Variants in TCEA3 observed in about 807,000 individuals in gnomAD.
The protein encoded by TCEA3 is transcription elongation factor A3.
In TCEA3, 36 loss-of-function variants were observed where a neutral mutation model predicts 44.0. The observed-to-expected ratio is 0.82, with a 90% CI of 0.63 to 1.08. The LOEUF (loss-of-function observed/expected upper bound fraction) is 1.08. Ranked by LOEUF, TCEA3 falls within the 50% of genes least tolerant of loss-of-function variation. The pLI is 0.00. For synonymous variants in TCEA3, 162 were observed against 159.7 expected (o/e 1.01, Z -0.11); for missense variants, 392 against 441.2 (o/e 0.89, Z 1.00).
chr1:23,385,615 G>T (rs1294889016), intron 9 of TCEA3, among the ~76,000 whole-genome samples: 4 of 152,172 alleles, frequency 2.6e-5, no homozygotes, highest in Non-Finnish European at 5.9e-5. Context: ...GGTGTGTGCC[G>T]AACAGACGGA....
intron 8 of TCEA3, among the ~76,000 whole-genome samples, chr1:23,392,520 C>CAAA (rs1206321474): frequency 3.3e-4 from 8 of 24,376 alleles, no homozygotes; most frequent in African/African-American, 9.9e-4. Flanking sequence ...ACATCATACA[C>CAAA]ACATATTCCA....
intron 4 of TCEA3, among the ~76,000 whole-genome samples, chr1:23,415,729 A>T (rs1399518737): frequency 6.6e-6 from 1 of 152,222 alleles, no homozygotes; most frequent in Non-Finnish European, 1.5e-5. Flanking sequence ...GGAAAAGAAA[A>T]CACACTCGTG....
Position 23,397,851 on chromosome 1 carries a change from G to C in TCEA3, c.548C>G (p.Thr183Arg), listed in dbSNP as rs1248381628. 6 of 1,613,866 alleles carry C rather than the reference G, an allele frequency of 3.7e-6. No homozygotes were observed. The highest frequency in any genetic ancestry group is 1.3e-5 in the African/African-American group (1 of 74,916). Residue 183 changes from threonine (T) to arginine (R), a missense_variant, in exon 6 of 11, where the codon ACA (threonine) becomes AGA (arginine). Transcript: ENST00000450454. Reference protein sequence around the residue: ...SMCLLAPCYLTGDSVRDKCVE... With the variant: ...SMCLLAPCYLRGDSVRDKCVE... Reference sequence around the variant, plus strand: ...ACACTTGTCCCGGACAGAGTCCCCTGTGAGATAGCAGGGGGCCAGGAGACA... The same window carrying C: ...ACACTTGTCCCGGACAGAGTCCCCTCTGAGATAGCAGGGGGCCAGGAGACA...
At chr1:23,405,362 C>T (rs1054316018) in intron 5 of TCEA3, among the ~76,000 whole-genome samples, 2 of 151,946 alleles carry the variant, frequency 1.3e-5, no homozygotes, top group African/African-American at 2.4e-5. Flanking sequence ...TTTGGGGGGC[C>T]GAAGAGGGTG....
chr1:23,394,065 T>C, intron 7 of TCEA3, 32 bp from the exon 8 acceptor site: 2 of 1,612,990 alleles, frequency 1.2e-6, no homozygotes, highest in Non-Finnish European at 8.5e-7. Flanking sequence ...CAGCCATTCA[T>C]GGAGGGGCAC....
intron 4 of TCEA3, among the ~76,000 whole-genome samples, chr1:23,412,600 C>T (rs1348348495): frequency 2.0e-5 from 3 of 151,684 alleles, no homozygotes; most frequent in Non-Finnish European, 2.9e-5. Flanking sequence ...CCCAGCTACT[C>T]GGGAGGCTGA....
At chr1:23,386,891 T>G (rs758205077) in intron 9 of TCEA3, among the ~76,000 whole-genome samples, 15 of 152,208 alleles carry the variant, frequency 9.9e-5, no homozygotes, top group Non-Finnish European at 2.1e-4. Context: ...CTGCTAATTT[T>G]TTGAATTTTT....
intron 5 of TCEA3, chr1:23,404,237 G>C (rs936100004): frequency 1.1e-5 from 8 of 699,864 alleles, no homozygotes; most frequent in Non-Finnish European, 1.8e-5. Context: ...TGTCAACATG[G>C]TATCCTCCGT....
chr1:23,389,024 C>G (rs1570230248), intron 8 of TCEA3, among the ~76,000 whole-genome samples: 1 of 152,048 alleles, frequency 6.6e-6, no homozygotes, highest in Non-Finnish European at 1.5e-5. Context: ...TATTCTGGTA[C>G]GTATTAATGT....
Position 23,419,080 on chromosome 1 carries a change from T to C in TCEA3, c.129A>G (p.Leu43=), listed in dbSNP as rs1454573423. 4.3e-6 allele frequency: 3 copies of C among 698,738 alleles called. No individual in the cohort carries two copies. The highest frequency in any genetic ancestry group is 2.3e-6 in the Non-Finnish European group (1 of 444,272). 43.3% of individuals were successfully genotyped at this position (698,738 alleles called of 1,614,324 possible). ...LHSCQMSIQL[L]QTTRIGVAVN... ...AGGCTTCCCACCCCCGCCCCACCTG[T>C]AGTAGCTGGATGGACATCTGGCAGC... Residue 43 remains leucine, a synonymous_variant, in exon 2 of 11, where the codon CTA becomes CTG. Transcript: ENST00000450454.
In TCEA3 at chr1:23,394,039, A is replaced by G; in HGVS notation, c.665-6T>C. Reference sequence around the variant, plus strand: ...CTTGAGCTCTTGGTAGATATGTGACACAGTCAAGGGCCGGCCAGCCATTCA... The same window carrying G: ...CTTGAGCTCTTGGTAGATATGTGACGCAGTCAAGGGCCGGCCAGCCATTCA... On this transcript the variant is annotated splice_polypyrimidine_tract_variant and splice_region_variant and intron_variant, in intron 7 of 10. Coordinates refer to ENST00000450454, the MANE Select transcript of TCEA3 (RefSeq NM_003196.3). 3 of 1,613,922 alleles carry G rather than the reference A, an allele frequency of 1.9e-6. No homozygotes were observed. Among genetic ancestry groups the G allele is most frequent in the Middle Eastern group, 1.6e-4 (1 of 6,062 alleles).
intron 4 of TCEA3, chr1:23,411,005 C>T (rs1179497480): frequency 4.9e-6 from 1 of 205,006 alleles, no homozygotes; most frequent in Admixed American, 4.4e-5. Context: ...AATATTTTCT[C>T]TAGCAACAAA....
rs1275596526 is a variant in TCEA3, at chr1:23,381,290, A to T, written c.*176T>A. ...TCCAATTAGGCTCCCCCATTAACCA[A>T]TTGTTTCTAATGACCGATTATTAAT... On this transcript the variant is annotated 3_prime_UTR_variant, in exon 11 of 11. Transcript: ENST00000450454. 1 of 624,928 alleles carries T rather than the reference A, an allele frequency of 1.6e-6. No individual in the cohort carries two copies. The highest frequency in any genetic ancestry group is 1.8e-5 in the African/African-American group (1 of 54,310). 38.7% of individuals were successfully genotyped at this position (624,928 alleles called of 1,614,324 possible).
At chr1:23,422,739 C>G (rs1640101304) in intron 1 of TCEA3, among the ~76,000 whole-genome samples, 1 of 152,164 alleles carries the variant, frequency 6.6e-6, no homozygotes, top group Admixed American at 6.5e-5. Context: ...CTGGGCACTT[C>G]CACAGGAATC....
chr1:23,392,410 A>ACAAAACACAC (rs1558030210), intron 8 of TCEA3, among the ~76,000 whole-genome samples: 24 of 4,900 alleles, frequency 4.9e-3, no homozygotes, highest in South Asian at 0.02. Flanking sequence ...ACACATCATC[A>ACAAAACACAC]TGCACAATAC....
Position 23,397,851 on chromosome 1 carries a change from G to T in TCEA3, c.548C>A (p.Thr183Lys). Residue 183 changes from threonine (T) to lysine (K), a missense_variant, in exon 6 of 11, where the codon ACA (threonine) becomes AAA (lysine). Thr to Lys is a moderately conservative substitution (Grantham distance 78). Transcript: ENST00000450454. Reference protein sequence around the residue: ...SMCLLAPCYLTGDSVRDKCVE... With the variant: ...SMCLLAPCYLKGDSVRDKCVE... ...ACACTTGTCCCGGACAGAGTCCCCTGTGAGATAGCAGGGGGCCAGGAGACA... is the reference window on the plus strand; with the variant it reads ...ACACTTGTCCCGGACAGAGTCCCCTTTGAGATAGCAGGGGGCCAGGAGACA... 1 of 1,613,984 alleles carries T rather than the reference G, an allele frequency of 6.2e-7. No individual in the cohort carries two copies. The highest frequency in any genetic ancestry group is 1.3e-5 in the African/African-American group (1 of 75,038).
At chr1:23,419,462 C>T in intron 1 of TCEA3, 2 of 250,750 alleles carry the variant, frequency 8.0e-6, no homozygotes, top group Non-Finnish European at 1.5e-5. Context: ...CTTATTGTTG[C>T]TCGTGTGCCT....
intron 8 of TCEA3, among the ~76,000 whole-genome samples, chr1:23,392,841 C>T (rs183525445): frequency 9.2e-5 from 14 of 152,238 alleles, no homozygotes; most frequent in South Asian, 6.2e-4. Context: ...ACATTTTTGG[C>T]GCCAGGGACT....
Position 23,397,853 on chromosome 1 carries a change from G to A in TCEA3, c.546C>T (p.Leu182=). 6.2e-7 allele frequency: 1 copy of A among 1,613,974 alleles called. No homozygotes were observed. The highest frequency in any genetic ancestry group is 2.2e-5 in the East Asian group (1 of 44,882). Residue 182 remains leucine, a synonymous_variant, in exon 6 of 11, where the codon CTC becomes CTT. Transcript: ENST00000450454. ...ACTTGTCCCGGACAGAGTCCCCTGT[G>A]AGATAGCAGGGGGCCAGGAGACACA... is the stretch of plus-strand genomic sequence containing the variant. ...SSMCLLAPCY[L]TGDSVRDKCV...
Sources: allele counts gnomAD v4.1 joint callset (sites outside exome capture counted in the v4.1 genomes callset), GRCh38; gene constraint gnomAD v4.1.1; transcripts MANE v1.5; gene names NCBI Gene and HGNC (gene_info 2026-07-23, HGNC 2026-07-21).